The following DPYSL2 variants were observed in gnomAD, a reference collection of about 807,000 sequenced individuals.
DPYSL2 encodes the protein dihydropyrimidinase-related protein 2.
A neutral mutation model predicts 69.9 loss-of-function variants in DPYSL2; 13 were observed. The observed-to-expected ratio is 0.19, with a 90% CI of 0.12 to 0.30. The LOEUF (loss-of-function observed/expected upper bound fraction) is 0.30. Ranked by LOEUF, DPYSL2 falls within the 10% of genes least tolerant of loss-of-function variation. The pLI, the probability that DPYSL2 is intolerant of heterozygous loss-of-function variation, is 1.00. For synonymous variants in DPYSL2, 326 were observed against 359.1 expected (o/e 0.91, Z 1.04); for missense variants, 587 against 918.9 (o/e 0.64, Z 4.67).
At position 26,643,792 on chromosome 8, in the gene DPYSL2, T is replaced by C. The variant is rs910387418; in HGVS notation, c.1284-158T>C. 1.3e-5 allele frequency among the ~76,000 whole-genome samples: 2 copies of C among 152,198 alleles called. No homozygotes were observed. Among genetic ancestry groups the C allele is most frequent in the African/African-American group, 4.8e-5 (2 of 41,450 alleles). On this transcript the variant is annotated intron_variant, in intron 9 of 13. Transcript: ENST00000521913. This position sits in a 1 kb window ranked among gnomAD's most constrained non-coding sequence, Gnocchi z 6.5. ...TGGGAGGGGATTCTGGATAAAAACCTGGGCCATGTTGAAAGTCAAGCCAAG... is the reference window on the plus strand; with the variant it reads ...TGGGAGGGGATTCTGGATAAAAACCCGGGCCATGTTGAAAGTCAAGCCAAG...
At chr8:26,550,873 C>T (rs987837561) in intron 1 of DPYSL2, among the ~76,000 whole-genome samples, 5 of 152,074 alleles carry the variant, frequency 3.3e-5, no homozygotes, top group African/African-American at 7.2e-5. Context: ...GGTGTAAGTC[C>T]CAGAGCGCAA....
intron 3 of DPYSL2, among the ~76,000 whole-genome samples, chr8:26,596,955 A>G (rs1433573256): frequency 6.6e-6 from 1 of 152,210 alleles, no homozygotes; most frequent in Non-Finnish European, 1.5e-5. Context: ...GCTCCTATCC[A>G]TCCTGGAAGA....
At position 26,582,123 on chromosome 8, in the gene DPYSL2, C is replaced by A; in HGVS notation, c.443+66C>A. Reference sequence around the variant, plus strand: ...TCCAGACTTCCCAAGTATTAGATACCATTCGCATCCAAAGTATCAAACTTC... The same window carrying A: ...TCCAGACTTCCCAAGTATTAGATACAATTCGCATCCAAAGTATCAAACTTC... On this transcript the variant is annotated intron_variant, in intron 2 of 13. Transcript: ENST00000521913. This position sits in a 1 kb window ranked among gnomAD's most constrained non-coding sequence, Gnocchi z 4.1. 1 of 1,263,742 alleles carries A rather than the reference C, an allele frequency of 7.9e-7. No homozygotes were observed. Among genetic ancestry groups the A allele is most frequent in the Non-Finnish European group, 1.1e-6 (1 of 874,482 alleles). The allele number at this position is 1,263,742 out of a possible 1,614,324, so 78.3% of individuals were successfully genotyped here.
At position 26,555,405 on chromosome 8, in the gene DPYSL2, T is replaced by C. The variant is rs576928796; in HGVS notation, c.355-26564T>C. On this transcript the variant is annotated intron_variant, in intron 1 of 13. Coordinates refer to ENST00000521913, the MANE Select transcript of DPYSL2 (RefSeq NM_001197293.3). ...GAACTAGTAAATGATTATATCAAGATTGTAGGATATGAGGTTATTGTACAA... is the reference window on the plus strand; with the variant it reads ...GAACTAGTAAATGATTATATCAAGACTGTAGGATATGAGGTTATTGTACAA... Among the ~76,000 whole-genome samples, 20 of 152,268 alleles carry C rather than the reference T, an allele frequency of 1.3e-4. No homozygotes were observed. In the South Asian group the frequency reaches 2.9e-3, roughly 22 times the overall value.
intron 3 of DPYSL2, among the ~76,000 whole-genome samples, chr8:26,612,371 AT>A (rs747437254): frequency 2.0e-5 from 3 of 152,236 alleles, no homozygotes; most frequent in Non-Finnish European, 2.9e-5. Context: ...GGGGAAAGTT[AT>A]TTGCATGAAT....
At chr8:26,589,353 A>G (rs941394384) in intron 3 of DPYSL2, among the ~76,000 whole-genome samples, 4 of 152,192 alleles carry the variant, frequency 2.6e-5, no homozygotes, top group Admixed American at 6.5e-5. Flanking sequence ...GTGTGGTTCA[A>G]TCAAGGCCCC....
At chr8:26,629,695 G>A (rs749767018) in intron 7 of DPYSL2, among the ~76,000 whole-genome samples, 9 of 152,240 alleles carry the variant, frequency 5.9e-5, no homozygotes, top group Non-Finnish European at 1.3e-4. Flanking sequence ...GCTTGCAGGC[G>A]AGAGCAGGCT....
In DPYSL2 at chr8:26,627,312, T is replaced by G. The variant is rs990612813; in HGVS notation, c.936+17T>G. ...ATTGCAGAGGTACAGGGCTTTCTTT[T>G]TCGTCATTTCTTCATCACCTGGAGG... On this transcript the variant is annotated intron_variant, in intron 6 of 13. Coordinates refer to ENST00000521913, the MANE Select transcript of DPYSL2 (RefSeq NM_001197293.3). This position sits in a 1 kb window ranked among gnomAD's most constrained non-coding sequence, Gnocchi z 6.9. 6.8e-6 allele frequency: 11 copies of G among 1,613,672 alleles called. No homozygotes were observed. The highest frequency in any genetic ancestry group is 4.0e-5 in the African/African-American group (3 of 74,936).
chr8:26,544,357 C>T (rs1014652266), intron 1 of DPYSL2, among the ~76,000 whole-genome samples: 1 of 152,170 alleles, frequency 6.6e-6, no homozygotes, highest in Non-Finnish European at 1.5e-5. Context: ...GTGTACTGCT[C>T]AGAGAAGTGG....
In DPYSL2 at chr8:26,655,788, T is replaced by C; in HGVS notation, c.*82T>C. ...TGAGACTTCTTTCTTCCTTCCTTTTTTTTTTTTTGTTTTTTTTTTTAAGAG... is the reference window on the plus strand; with the variant it reads ...TGAGACTTCTTTCTTCCTTCCTTTTCTTTTTTTTGTTTTTTTTTTTAAGAG... On this transcript the variant is annotated 3_prime_UTR_variant, in exon 14 of 14. Transcript: ENST00000521913. The C allele has an allele frequency of 8.2e-7, 1 of 1,219,424 alleles. No individual in the cohort carries two copies. Among genetic ancestry groups the C allele is most frequent in the Non-Finnish European group, 1.1e-6 (1 of 904,754 alleles). The allele number at this position is 1,219,424 out of a possible 1,614,324, so 75.5% of individuals were successfully genotyped here. A position where few individuals can be genotyped will look rare whatever the true frequency, so the allele number is the denominator to read the frequency against.
chr8:26,521,295 A>G (rs1407876337), intron 1 of DPYSL2, among the ~76,000 whole-genome samples: 7 of 152,150 alleles, frequency 4.6e-5, no homozygotes, highest in Non-Finnish European at 1.0e-4. Context: ...TTCTGAGGGC[A>G]CTCTGCAGAA....
intron 1 of DPYSL2, among the ~76,000 whole-genome samples, chr8:26,581,179 GAATGGA>G (rs1337501061): frequency 6.6e-6 from 1 of 152,126 alleles, no homozygotes; most frequent in Admixed American, 6.6e-5. Context: ...AGGACATATT[GAATGGA>G]AACCTTGCTA....
chr8:26,645,404 A>T (rs1034254776), intron 10 of DPYSL2, among the ~76,000 whole-genome samples: 7 of 151,968 alleles, frequency 4.6e-5, no homozygotes, highest in Admixed American at 6.6e-5. Flanking sequence ...CTGTTTCAAA[A>T]AATAATAATA....
intron 1 of DPYSL2, among the ~76,000 whole-genome samples, chr8:26,515,219 C>T (rs942829792): frequency 2.0e-5 from 3 of 152,116 alleles, no homozygotes; most frequent in Non-Finnish European, 4.4e-5. Context: ...GTCAGCGCCC[C>T]CCGGACCCCC....
At chr8:26,601,199 G>C (rs538943904) in intron 3 of DPYSL2, among the ~76,000 whole-genome samples, 1 of 152,284 alleles carries the variant, frequency 6.6e-6, no homozygotes, top group African/African-American at 2.4e-5. Flanking sequence ...CACTCTGTAA[G>C]ATAGGGTGGG....
At position 26,643,470 on chromosome 8, in the gene DPYSL2, C is replaced by T. The variant is rs1158466887; in HGVS notation, c.1158C>T (p.Ala386=). 6.2e-7 allele frequency: 1 copy of T among 1,607,220 alleles called. No homozygotes were observed. Among genetic ancestry groups the T allele is most frequent in the African/African-American group, 1.3e-5 (1 of 74,772 alleles). ...TGGTGTATGGCGAGCCCATCACTGC[C>T]AGCTTGGGAACGGACGGCTCCCATT... is the stretch of plus-strand genomic sequence containing the variant. ...GTVVYGEPIT[A]SLGTDGSHYW... is the part of the protein sequence containing the mutation. The change falls in exon 9 of 14, where the codon GCC becomes GCT. Residue 386 remains alanine, a synonymous_variant. Transcript: ENST00000521913. This position sits in a 1 kb window ranked among gnomAD's most constrained non-coding sequence, Gnocchi z 6.5.
In DPYSL2 at chr8:26,627,352, C is replaced by T; in HGVS notation, c.936+57C>T. 2 of 1,565,918 alleles carry T rather than the reference C, an allele frequency of 1.3e-6. No homozygotes were observed. Among genetic ancestry groups the T allele is most frequent in the Non-Finnish European group, 1.8e-6 (2 of 1,137,282 alleles). ...TCACCTGGAGGGTGAGAGGCAGGCT[C>T]AAGAAAGGGAAGCTGCATCTGTAGC... On this transcript the variant is annotated intron_variant, in intron 6 of 13. Transcript: ENST00000521913. This position sits in a 1 kb window ranked among gnomAD's most constrained non-coding sequence, Gnocchi z 6.9.
chr8:26,536,268 G>A (rs1017354902), intron 1 of DPYSL2, among the ~76,000 whole-genome samples: 2 of 151,762 alleles, frequency 1.3e-5, no homozygotes, highest in Non-Finnish European at 1.5e-5. Context: ...GTAGAGATGA[G>A]GTTTCAGCAT....
intron 1 of DPYSL2, among the ~76,000 whole-genome samples, chr8:26,537,611 T>TCCACACACACACAC (rs141281802): frequency 6.8e-6 from 1 of 147,546 alleles, no homozygotes; most frequent in Non-Finnish European, 1.5e-5. Context: ...ATTCTCTCTC[T>TCCACACACACACAC]ACACACACAC....
Sources: allele counts gnomAD v4.1 joint callset (sites outside exome capture counted in the v4.1 genomes callset), GRCh38; gene constraint gnomAD v4.1.1; non-coding constraint Gnocchi (gnomAD v3.1); transcripts MANE v1.5; gene names NCBI Gene and HGNC (gene_info 2026-07-23, HGNC 2026-07-21).